The following CDH7 variants were observed in gnomAD, a reference collection of about 807,000 sequenced individuals.
CDH7 encodes cadherin-7.
CDH7 carries 25 observed loss-of-function variants against 71.8 expected under a neutral mutation model. The ratio of observed to expected loss-of-function variants is 0.35; its 90% confidence interval spans 0.25 to 0.49. The LOEUF (loss-of-function observed/expected upper bound fraction) is 0.49. Among genes scored for constraint, CDH7 ranks in the 20% least tolerant of loss-of-function variants. The probability of loss-of-function intolerance (pLI) is 0.99; values close to 1 mark genes in which losing one functional copy is unlikely to be tolerated. For missense variants in CDH7, 862 were observed against 974.6 expected, an observed-to-expected ratio of 0.88 and a Z score of 1.54; for synonymous variants, 381 against 363.8, an observed-to-expected ratio of 1.05 and a Z score of -0.54.
At chr18:65,836,664 T>C (rs1912542280) in intron 6 of CDH7, among the ~76,000 whole-genome samples, 1 of 143,252 alleles carries the variant, frequency 7.0e-6, no homozygotes, top group South Asian at 2.4e-4. Context: ...TGTCCTAATA[T>C]CTGTGTTCAA....
At chr18:65,765,363 A>C (rs1254831507) in intron 2 of CDH7, among the ~76,000 whole-genome samples, 5 of 151,954 alleles carry the variant, frequency 3.3e-5, no homozygotes, top group Admixed American at 2.0e-4. Context: ...TCTTTTTATT[A>C]ATAATTTGGT....
chr18:65,775,502 G>A (rs1422328932), intron 2 of CDH7, among the ~76,000 whole-genome samples: 2 of 151,998 alleles, frequency 1.3e-5, no homozygotes, highest in Non-Finnish European at 1.5e-5. Context: ...TCTATAACTG[G>A]CCTAATTCAG....
At chr18:65,842,612 A>T (rs1055127900) in intron 6 of CDH7, among the ~76,000 whole-genome samples, 13 of 151,964 alleles carry the variant, frequency 8.6e-5, no homozygotes, top group Non-Finnish European at 2.9e-5. Flanking sequence ...GTGTATATAC[A>T]TCCTATTGTA....
chr18:65,802,357 A>T (rs144905528), intron 2 of CDH7, among the ~76,000 whole-genome samples: 4 of 152,298 alleles, frequency 2.6e-5, no homozygotes, highest in African/African-American at 7.2e-5. Context: ...GGTTCAACAG[A>T]CATGAAATTA....
chr18:65,810,892 T>C (rs1431048862), intron 3 of CDH7, among the ~76,000 whole-genome samples: 1 of 152,296 alleles, frequency 6.6e-6, no homozygotes, highest in Non-Finnish European at 1.5e-5. Context: ...TTCAAGGCCT[T>C]TTGTCATCGC....
In CDH7 at chr18:65,782,102, CCT is replaced by C. The variant is rs1568182480; in HGVS notation, c.210+19051_210+19052del. ...TCTTTCCTTCCTTCCTTCCTTCCTT[CCT>C]TCCTTCTTTCTTTCTTTCTTTCTTT... On this transcript the variant is annotated intron_variant, in intron 2 of 11. Coordinates refer to ENST00000397968, the MANE Select transcript of CDH7 (RefSeq NM_004361.5). Among the ~76,000 whole-genome samples the C allele has an allele frequency of 9.7e-4, 51 of 52,480 alleles. 11 individuals carry two copies. The highest frequency in any genetic ancestry group is 0.014 in the Middle Eastern group (1 of 74). The allele number at this position is 52,480 out of a possible 152,430, so 34.4% of individuals were successfully genotyped here. A position where few individuals can be genotyped will look rare whatever the true frequency, so the allele number is the denominator to read the frequency against.
chr18:65,830,529 C>A lies in CDH7; in HGVS notation c.981+5698C>A, dbSNP rs572073756. On this transcript the variant is annotated intron_variant, in intron 6 of 11. Coordinates refer to ENST00000397968, the MANE Select transcript of CDH7 (RefSeq NM_004361.5). ...AATACATTTCCTTCCTCCCTTCCTT[C>A]CTTTCTTCCTCCCTTCCTTCCTTCT... is the stretch of plus-strand genomic sequence containing the variant. 1.5e-4 allele frequency among the ~76,000 whole-genome samples: 23 copies of A among 150,602 alleles called. No homozygotes were observed. The East Asian group carries it at 4.1e-3, about 27-fold the overall frequency.
intron 6 of CDH7, among the ~76,000 whole-genome samples, chr18:65,833,466 A>G (rs778821658): frequency 4.6e-5 from 7 of 152,228 alleles, no homozygotes; most frequent in Admixed American, 2.6e-4. Context: ...CAGGATGCAT[A>G]TTTCTTAAAA....
intron 2 of CDH7, among the ~76,000 whole-genome samples, chr18:65,806,810 AGT>A (rs1459273518): frequency 6.6e-6 from 1 of 152,174 alleles, no homozygotes. Context: ...TTTTACTAAG[AGT>A]GTGGATTTCA....
At chr18:65,854,969 A>C (rs935954825) in intron 7 of CDH7, among the ~76,000 whole-genome samples, 1 of 151,914 alleles carries the variant, frequency 6.6e-6, no homozygotes, top group African/African-American at 2.4e-5. Flanking sequence ...ACACACATAG[A>C]TACACACATA....
At chr18:65,781,757 T>TCTTC (rs1910199107) in intron 2 of CDH7, among the ~76,000 whole-genome samples, 2 of 34,370 alleles carry the variant, frequency 5.8e-5, no homozygotes, top group Admixed American at 2.8e-4. Context: ...TTGATTTCTT[T>TCTTC]CTTTCTTTCT....
At position 65,868,490 on chromosome 18, in the gene CDH7, G is replaced by A. The variant is rs531957962; in HGVS notation, c.1864+5573G>A. Among the ~76,000 whole-genome samples the A allele has an allele frequency of 1.2e-3, 177 of 152,266 alleles. 1 individual carries two copies. Among genetic ancestry groups the A allele is most frequent in the African/African-American group, 4.0e-3 (166 of 41,564 alleles). On this transcript the variant is annotated intron_variant, in intron 11 of 11. Coordinates refer to ENST00000397968, the MANE Select transcript of CDH7 (RefSeq NM_004361.5). ...TATTTTTCCATATATGTTTCCCCAC[G>A]TGAAAGACCTCTCTGTTTCTAGGAA...
intron 7 of CDH7, among the ~76,000 whole-genome samples, chr18:65,847,237 G>A (rs942828392): frequency 2.6e-5 from 4 of 152,182 alleles, no homozygotes; most frequent in African/African-American, 7.2e-5. Context: ...GACATGAGGA[G>A]TCTTAACAAT....
At chr18:65,753,493 C>G (rs1232719992) in intron 1 of CDH7, among the ~76,000 whole-genome samples, 1 of 152,158 alleles carries the variant, frequency 6.6e-6, no homozygotes, top group Non-Finnish European at 1.5e-5. Flanking sequence ...GATTGGAAGT[C>G]TTCAAAGCCT....
intron 6 of CDH7, among the ~76,000 whole-genome samples, chr18:65,833,779 A>C (rs1912436382): frequency 6.6e-6 from 1 of 152,234 alleles, no homozygotes; most frequent in Admixed American, 6.5e-5. Context: ...TTCTTTGAAG[A>C]AAATGATACT....
chr18:65,800,610 A>G (rs1911087024), intron 2 of CDH7, among the ~76,000 whole-genome samples: 1 of 152,184 alleles, frequency 6.6e-6, no homozygotes, highest in South Asian at 2.1e-4. Flanking sequence ...CTAGAAACCT[A>G]CATACTAAAT....
chr18:65,784,311 A>C (rs1910431743), intron 2 of CDH7, among the ~76,000 whole-genome samples: 1 of 152,058 alleles, frequency 6.6e-6, no homozygotes, highest in African/African-American at 2.4e-5. Context: ...CAAAGCCCAG[A>C]GAGAAATGCA....
chr18:65,859,865 C>G, intron 10 of CDH7, 40 bp downstream of exon 10: 1 of 1,142,154 alleles, frequency 8.8e-7, no homozygotes. Context: ...GCAGCAGGTA[C>G]AGATACTCTA....
intron 1 of CDH7, among the ~76,000 whole-genome samples, chr18:65,757,406 G>A (rs368102063): frequency 1.8e-4 from 27 of 151,796 alleles, no homozygotes; most frequent in South Asian, 4.2e-4. Context: ...GCTTCAGTCC[G>A]TTCAAAATAT....
Sources: gnomAD v4.1 joint callset for allele counts (sites outside exome capture counted in the v4.1 genomes callset) on GRCh38, gnomAD v4.1.1 for gene constraint, MANE v1.5 for transcripts, NCBI Gene and HGNC (gene_info 2026-07-23, HGNC 2026-07-21) for gene names.